Variants in FMN1 observed in about 807,000 individuals in gnomAD.
FMN1 encodes formin-1.
FMN1 carries 110 observed loss-of-function variants against 132.4 expected under a neutral mutation model. The observed-to-expected ratio is 0.83, with a 90% CI of 0.71 to 0.97. The LOEUF (loss-of-function observed/expected upper bound fraction) is 0.97. FMN1 is among the 50% of genes least tolerant of loss of function. The pLI is 0.00. For synonymous variants in FMN1, 722 were observed against 651.7 expected (o/e 1.11, Z -1.64); for missense variants, 1,792 against 1,705.3 (o/e 1.05, Z -0.90).
Position 33,185,568 on chromosome 15 carries a change from A to ATTTTTTTTTTTTT in FMN1, c.-196-5319_-196-5307dup, listed in dbSNP as rs57232200. 2.8e-3 allele frequency among the ~76,000 whole-genome samples: 318 copies of ATTTTTTTTTTTTT among 113,354 alleles called. 13 individuals carry two copies. Among genetic ancestry groups the ATTTTTTTTTTTTT allele is most frequent in the African/African-American group, 6.6e-3 (158 of 23,858 alleles). 74.4% of individuals were successfully genotyped at this position (113,354 alleles called of 152,430 possible). A position where few individuals can be genotyped will look rare whatever the true frequency, so the allele number is the denominator to read the frequency against. Reference sequence around the variant, plus strand: ...GTAATTTTTTTTTAATAAAGTAAGAATTTTTTTTTTTTTTTTTTTTTTACA... The same window carrying ATTTTTTTTTTTTT: ...GTAATTTTTTTTTAATAAAGTAAGAATTTTTTTTTTTTTTTTTTTTTTTTTTTTTTTTTTTACA... On this transcript the variant is annotated intron_variant, in intron 2 of 20. Transcript: ENST00000616417.
intron 6 of FMN1, among the ~76,000 whole-genome samples, chr15:33,042,636 C>A (rs2036492515): frequency 6.6e-6 from 1 of 152,112 alleles, no homozygotes; most frequent in Non-Finnish European, 1.5e-5. Flanking sequence ...AGTCTCAGAG[C>A]AAGAGTGAAG....
At chr15:32,868,585 GAC>G (rs1339607014) in intron 16 of FMN1, among the ~76,000 whole-genome samples, 3 of 152,074 alleles carry the variant, frequency 2.0e-5, no homozygotes, top group Non-Finnish European at 2.9e-5. Context: ...TGTATATGTA[GAC>G]ACAGACATAT....
intron 17 of FMN1, among the ~76,000 whole-genome samples, chr15:32,842,154 T>C (rs2141218193): frequency 6.6e-6 from 1 of 152,314 alleles, no homozygotes; most frequent in South Asian, 2.1e-4. Context: ...ATAGGAAATT[T>C]CTAATTTCTT....
At chr15:32,813,232 C>T (rs1308007643) in intron 17 of FMN1, among the ~76,000 whole-genome samples, 1 of 152,164 alleles carries the variant, frequency 6.6e-6, no homozygotes, top group Non-Finnish European at 1.5e-5. Context: ...AACCAATCCT[C>T]CACGGATACT....
rs997019715 is a variant in FMN1, at chr15:33,075,822, T to C, written c.2044-10748A>G. On this transcript the variant is annotated intron_variant, in intron 5 of 20. Coordinates refer to ENST00000616417, the MANE Select transcript of FMN1 (RefSeq NM_001277313.2). Reference sequence around the variant, plus strand: ...ACAATGAGCAAGCCTGGGTCCTCCATAGCAGAGCACCAGCCATTTTATTTA... The same window carrying C: ...ACAATGAGCAAGCCTGGGTCCTCCACAGCAGAGCACCAGCCATTTTATTTA... 1.3e-5 allele frequency among the ~76,000 whole-genome samples: 2 copies of C among 152,246 alleles called. 1 individual carries two copies. The highest frequency in any genetic ancestry group is 1.3e-4 in the Admixed American group (2 of 15,284).
intron 6 of FMN1, among the ~76,000 whole-genome samples, chr15:33,008,339 A>T (rs973028306): frequency 6.6e-6 from 1 of 152,278 alleles, no homozygotes; most frequent in East Asian, 1.9e-4. Context: ...AGGGATGATG[A>T]GTGTGTTCCA....
chr15:33,000,450 G>A (rs867327864), intron 7 of FMN1, among the ~76,000 whole-genome samples: 2,489 of 24,378 alleles, frequency 0.1, 71 homozygotes, highest in African/African-American at 0.15. Flanking sequence ...CTCCATCTCA[G>A]GAAAAAAAAA....
At chr15:33,047,024 A>G (rs915252699) in intron 6 of FMN1, among the ~76,000 whole-genome samples, 1 of 152,212 alleles carries the variant, frequency 6.6e-6, no homozygotes, top group African/African-American at 2.4e-5. Flanking sequence ...AAAAAACTGG[A>G]TGAGATCTCC....
chr15:33,143,734 G>A (rs1964100235), intron 4 of FMN1, among the ~76,000 whole-genome samples: 1 of 152,272 alleles, frequency 6.6e-6, no homozygotes, highest in South Asian at 2.1e-4. Context: ...CTGTAAGTTG[G>A]AAGGTTGTTT....
At chr15:32,997,666 G>T (rs528425809) in intron 7 of FMN1, among the ~76,000 whole-genome samples, 12 of 152,128 alleles carry the variant, frequency 7.9e-5, no homozygotes, top group Non-Finnish European at 8.8e-5. Flanking sequence ...AAAGCATGGG[G>T]TGCTCAGCAT....
chr15:32,826,624 T>C (rs2058374318), intron 17 of FMN1, among the ~76,000 whole-genome samples: 1 of 152,204 alleles, frequency 6.6e-6, no homozygotes, highest in South Asian at 2.1e-4. Context: ...CTATGTTTAA[T>C]CCAGACTTCT....
intron 2 of FMN1, among the ~76,000 whole-genome samples, chr15:33,183,551 AT>A (rs1213719448): frequency 6.6e-6 from 1 of 152,202 alleles, no homozygotes; most frequent in Non-Finnish European, 1.5e-5. Flanking sequence ...ACTCAATAAC[AT>A]TTCAGTGAAT....
chr15:33,128,800 T>C (rs953393302), intron 4 of FMN1, among the ~76,000 whole-genome samples: 3 of 152,200 alleles, frequency 2.0e-5, no homozygotes, highest in Non-Finnish European at 4.4e-5. Context: ...GCAGCAAGAT[T>C]TACTGTCACG....
chr15:32,954,321 C>G (rs1426693280), intron 9 of FMN1, among the ~76,000 whole-genome samples: 1 of 152,214 alleles, frequency 6.6e-6, no homozygotes, highest in Non-Finnish European at 1.5e-5. Context: ...TGAGACAGCT[C>G]TATCCATCTG....
chr15:33,088,261 C>CA (rs973880627), intron 5 of FMN1, among the ~76,000 whole-genome samples: 6 of 151,906 alleles, frequency 3.9e-5, no homozygotes, highest in African/African-American at 1.5e-4. Context: ...TAAAAGTGAA[C>CA]AAAAACTTTA....
intron 17 of FMN1, among the ~76,000 whole-genome samples, chr15:32,813,591 G>A (rs1178876563): frequency 6.6e-6 from 1 of 152,158 alleles, no homozygotes; most frequent in Non-Finnish European, 1.5e-5. Flanking sequence ...TACTACTTTT[G>A]TTCCTCTGCT....
intron 4 of FMN1, among the ~76,000 whole-genome samples, chr15:33,127,005 T>A (rs1199193459): frequency 6.6e-6 from 1 of 152,302 alleles, no homozygotes; most frequent in Non-Finnish European, 1.5e-5. Context: ...CATGACTACA[T>A]GTGGGAGTTT....
intron 15 of FMN1, 63 bp from the exon 16 acceptor site, chr15:32,888,355 C>G: frequency 7.1e-7 from 1 of 1,414,506 alleles, no homozygotes; most frequent in Non-Finnish European, 9.5e-7. Flanking sequence ...GTTGAAATTC[C>G]AAAGCATCAA....
chr15:32,851,855 G>A (rs1347734636), intron 17 of FMN1, among the ~76,000 whole-genome samples: 2 of 152,150 alleles, frequency 1.3e-5, no homozygotes, highest in African/African-American at 4.8e-5. Context: ...AAATAATCCT[G>A]AGTCACAACG....
Sources: allele counts gnomAD v4.1 joint callset (sites outside exome capture counted in the v4.1 genomes callset), GRCh38; gene constraint gnomAD v4.1.1; transcripts MANE v1.5; gene names NCBI Gene and HGNC (gene_info 2026-07-23, HGNC 2026-07-21).